Variants in DPYS observed in about 807,000 individuals in gnomAD.
The protein encoded by DPYS is dihydropyrimidinase, also known as dihydropyrimidine amidohydrolase.
A neutral mutation model predicts 50.3 loss-of-function variants in DPYS; 39 were observed. That is an observed-to-expected ratio of 0.78 (90% CI 0.60 to 1.01). The LOEUF (loss-of-function observed/expected upper bound fraction) is 1.01, where lower values mean the gene tolerates loss of function less well. Ranked by LOEUF, DPYS falls within the 50% of genes least tolerant of loss-of-function variation. The probability of loss-of-function intolerance (pLI) is 0.00; values close to 1 mark genes in which losing one functional copy is unlikely to be tolerated. For synonymous variants in DPYS, 245 were observed against 250.7 expected, an observed-to-expected ratio of 0.98 and a Z score of 0.22; for missense variants, 659 against 680.9, an observed-to-expected ratio of 0.97 and a Z score of 0.36.
At chr8:104,444,490 G>A in intron 3 of DPYS, 53 bp from the exon 4 acceptor site, 1 of 1,585,946 alleles carries the variant, frequency 6.3e-7, no homozygotes. Context: ...ACTAATGACA[G>A]ATATCATTAT....
intron 4 of DPYS, among the ~76,000 whole-genome samples, chr8:104,432,032 CTCTA>C (rs1442405510): frequency 1.3e-5 from 2 of 152,140 alleles, no homozygotes; most frequent in African/African-American, 2.4e-5. Context: ...ATGAAGAGTG[CTCTA>C]TCTGTCTTCA....
At chr8:104,416,206 A>T (rs1043923031) in intron 7 of DPYS, among the ~76,000 whole-genome samples, 9 of 152,170 alleles carry the variant, frequency 5.9e-5, no homozygotes, top group African/African-American at 2.2e-4. Context: ...CCCAGATGGC[A>T]GGTTTGATTT....
At chr8:104,385,820 C>T (rs2140505802) in intron 8 of DPYS, among the ~76,000 whole-genome samples, 1 of 152,290 alleles carries the variant, frequency 6.6e-6, no homozygotes, top group Non-Finnish European at 1.5e-5. Context: ...CATGTGATGC[C>T]TTCCTCCATG....
intron 1 of DPYS, among the ~76,000 whole-genome samples, chr8:104,464,402 C>CTTCCTCT (rs1814277749): frequency 1.3e-5 from 2 of 152,352 alleles, no homozygotes; most frequent in Middle Eastern, 3.4e-3. Flanking sequence ...CAGCATTCCA[C>CTTCCTCT]TTCCTCTTCT....
chr8:104,428,249 A>G (rs868159340), intron 5 of DPYS, 128 bp from the exon 6 acceptor site: 8 of 1,260,820 alleles, frequency 6.3e-6, no homozygotes, highest in Middle Eastern at 2.2e-4. Flanking sequence ...ATGGAGAATG[A>G]GCAGTTTTTT....
intron 2 of DPYS, among the ~76,000 whole-genome samples, chr8:104,448,156 CTTT>C (rs35179334): frequency 5.8e-5 from 8 of 137,960 alleles, no homozygotes; most frequent in African/African-American, 5.3e-5. Flanking sequence ...AACAATTGCT[CTTT>C]TTTTTTTTTT....
chr8:104,457,609 C>A (rs1334362480), intron 1 of DPYS, among the ~76,000 whole-genome samples: 5 of 152,128 alleles, frequency 3.3e-5, no homozygotes, highest in Non-Finnish European at 7.4e-5. Flanking sequence ...ACCTGCACCA[C>A]CCAAGTAAAA....
chr8:104,415,916 C>T lies in DPYS; in HGVS notation c.1235+8331G>A, dbSNP rs562692958. Among the ~76,000 whole-genome samples the T allele has an allele frequency of 3.3e-5, 5 of 152,238 alleles. No individual in the cohort carries two copies. In the East Asian group the frequency reaches 9.6e-4, roughly 29 times the overall value. On this transcript the variant is annotated intron_variant, in intron 7 of 9. Transcript: ENST00000351513. The stretch of plus-strand genomic sequence containing the variant: ...GCTCCCACTCATTTCACAAACTGAC[C>T]ACCTACTACTACTATCTATTACCAC...
chr8:104,387,769 TG>T (rs1811256941), intron 8 of DPYS, among the ~76,000 whole-genome samples: 1 of 152,252 alleles, frequency 6.6e-6, no homozygotes, highest in African/African-American at 2.4e-5. Flanking sequence ...GGATGTTGAT[TG>T]ATTAGATAAA....
chr8:104,441,081 G>A (rs1813337060), intron 4 of DPYS, among the ~76,000 whole-genome samples: 1 of 152,080 alleles, frequency 6.6e-6, no homozygotes, highest in South Asian at 2.1e-4. Context: ...TTGATCCCAT[G>A]CCTTGGTCAC....
intron 7 of DPYS, among the ~76,000 whole-genome samples, chr8:104,408,919 T>G (rs1404695804): frequency 6.6e-6 from 1 of 151,798 alleles, no homozygotes; most frequent in Non-Finnish European, 1.5e-5. Context: ...GTTTAAATGA[T>G]TCTCCTGCCT....
rs1273693613 is a variant in DPYS, at chr8:104,379,783, A to G, written c.*75T>C. On this transcript the variant is annotated 3_prime_UTR_variant, in exon 10 of 10. Coordinates refer to ENST00000351513, the MANE Select transcript of DPYS (RefSeq NM_001385.3). ...GGAGTTGAATAAGGCCTGCTTCTCC[A>G]TGGGTTGACAATGTTTGGCTGTGAA... 4.4e-6 allele frequency: 2 copies of G among 456,518 alleles called. No homozygotes were observed. The highest frequency in any genetic ancestry group is 6.9e-5 in the East Asian group (1 of 14,392). The allele number at this position is 456,518 out of a possible 1,614,324, so 28.3% of individuals were successfully genotyped here.
At chr8:104,412,242 C>A (rs1452790668) in intron 7 of DPYS, among the ~76,000 whole-genome samples, 1 of 152,222 alleles carries the variant, frequency 6.6e-6, no homozygotes, top group Non-Finnish European at 1.5e-5. Context: ...CTGCCAAGTG[C>A]ACACTTGTAA....
In DPYS at chr8:104,382,556, T is replaced by C. The variant is rs906072025; in HGVS notation, c.1444-1242A>G. The stretch of plus-strand genomic sequence containing the variant: ...GGTCCCTGTTTTTTTTTTTTTTTTT[T>C]CTTCTCCTGACTTGACTTTCCAAGC... On this transcript the variant is annotated intron_variant, in intron 8 of 9. Transcript: ENST00000351513. Among the ~76,000 whole-genome samples, 11 of 150,810 alleles carry C rather than the reference T, an allele frequency of 7.3e-5. No individual in the cohort carries two copies. The South Asian group carries it at 8.4e-4, about 12-fold the overall frequency.
intron 5 of DPYS, among the ~76,000 whole-genome samples, chr8:104,428,446 T>C (rs1377800887): frequency 1.3e-5 from 2 of 152,250 alleles, no homozygotes; most frequent in Admixed American, 6.5e-5. Flanking sequence ...AATAGTCACA[T>C]GTACTTGATG....
At chr8:104,426,861 C>G (rs1461421112) in intron 6 of DPYS, among the ~76,000 whole-genome samples, 1 of 152,102 alleles carries the variant, frequency 6.6e-6, no homozygotes, top group Non-Finnish European at 1.5e-5. Context: ...ACTTTTGTGA[C>G]TTCATATAGC....
chr8:104,385,666 G>A (rs1300316088), intron 8 of DPYS, among the ~76,000 whole-genome samples: 1 of 152,196 alleles, frequency 6.6e-6, no homozygotes, highest in African/African-American at 2.4e-5. Context: ...AGTATTAAGA[G>A]GTGAGACTTT....
chr8:104,463,430 A>G (rs990093091), intron 1 of DPYS, among the ~76,000 whole-genome samples: 2 of 152,192 alleles, frequency 1.3e-5, no homozygotes, highest in Non-Finnish European at 2.9e-5. Context: ...TGGCTCTGTC[A>G]TCTATCACTT....
chr8:104,406,409 C>T (rs1334552173), intron 7 of DPYS, among the ~76,000 whole-genome samples: 1 of 152,212 alleles, frequency 6.6e-6, no homozygotes, highest in African/African-American at 2.4e-5. Context: ...TACCTGCTGA[C>T]TCATCTCGTA....
Sources: gnomAD v4.1 joint callset for allele counts (sites outside exome capture counted in the v4.1 genomes callset) on GRCh38, gnomAD v4.1.1 for gene constraint, MANE v1.5 for transcripts, NCBI Gene and HGNC (gene_info 2026-07-23, HGNC 2026-07-21) for gene names.